Variants in VKORC1L1 observed in about 807,000 individuals in gnomAD.
VKORC1L1 encodes the protein vitamin K epoxide reductase complex subunit 1-like protein 1.
VKORC1L1 carries 2 observed loss-of-function variants against 18.9 expected under a neutral mutation model. The ratio of observed to expected loss-of-function variants is 0.11; its 90% CI spans 0.04 to 0.33. VKORC1L1 has a LOEUF of 0.33. Among genes scored for constraint, VKORC1L1 ranks in the 10% least tolerant of loss-of-function variants. The probability of loss-of-function intolerance (pLI) is 1.00; values close to 1 mark genes in which losing one functional copy is unlikely to be tolerated. For synonymous variants in VKORC1L1, 96 were observed against 100.0 expected (o/e 0.96, Z 0.24); for missense variants, 123 against 224.1 (o/e 0.55, Z 2.88).
intron 1 of VKORC1L1, among the ~76,000 whole-genome samples, chr7:65,925,646 T>C (rs919089683): frequency 1.3e-5 from 2 of 152,186 alleles, no homozygotes; most frequent in African/African-American, 2.4e-5. Flanking sequence ...CTCTATATGT[T>C]AGGTTGGTGC....
chr7:65,929,147 G>A (rs898662985), intron 1 of VKORC1L1, among the ~76,000 whole-genome samples: 3 of 152,078 alleles, frequency 2.0e-5, no homozygotes, highest in Non-Finnish European at 2.9e-5. Context: ...GGTAGCTCAC[G>A]CCTGTAATCC....
chr7:65,866,736 CCCCATCTCTACAAAAAATA>C, the VKORC1L1 span, among the ~76,000 whole-genome samples: 2 of 151,968 alleles, frequency 1.3e-5, no homozygotes, highest in African/African-American at 4.8e-5. Flanking sequence ...ATAGTGAGAC[CCCCATCTCTACAAAAAATA>C]AAAAGAAATC....
chr7:65,866,716 C>A, the VKORC1L1 span, among the ~76,000 whole-genome samples: 1 of 152,072 alleles, frequency 6.6e-6, no homozygotes, highest in African/African-American at 2.4e-5. Context: ...TTGAGGCTGG[C>A]CTGAGTGACA....
intron 1 of VKORC1L1, among the ~76,000 whole-genome samples, chr7:65,886,844 T>TG (rs1219748777): frequency 2.4e-4 from 32 of 134,368 alleles, no homozygotes; most frequent in African/African-American, 8.3e-4. Flanking sequence ...TCCGAGTTTT[T>TG]TTTTTTTTTT....
intron 1 of VKORC1L1, among the ~76,000 whole-genome samples, chr7:65,909,372 G>A (rs1448098158): frequency 1.3e-5 from 2 of 151,988 alleles, no homozygotes; most frequent in African/African-American, 4.8e-5. Context: ...TTGTTACCGA[G>A]ATGTCGTGAT....
upstream of VKORC1L1, among the ~76,000 whole-genome samples, chr7:65,869,910 C>T (rs1788705372): frequency 6.6e-6 from 1 of 151,326 alleles, no homozygotes; most frequent in South Asian, 2.1e-4. Context: ...CCACATTGGC[C>T]TCCCAAAGCA....
chr7:65,941,481 A>T lies in VKORC1L1; in HGVS notation c.195-7190A>T, dbSNP rs536695700. 7.0e-4 allele frequency among the ~76,000 whole-genome samples: 106 copies of T among 152,128 alleles called. 1 individual carries two copies. Among genetic ancestry groups the T allele is most frequent in the African/African-American group, 2.5e-3 (103 of 41,502 alleles). ...TGCCTTGTAAAAAATAATTTTTAAA[A>T]ATACATTATTCAATGTATTTTTGTA... is the stretch of plus-strand genomic sequence containing the variant. On this transcript the variant is annotated intron_variant, in intron 1 of 2. Coordinates refer to ENST00000360768, the MANE Select transcript of VKORC1L1 (RefSeq NM_173517.6).
At chr7:65,895,480 AATATATATATAT>A (rs1162173957) in intron 1 of VKORC1L1, among the ~76,000 whole-genome samples, 1,924 of 42,654 alleles carry the variant, frequency 0.045, 107 homozygotes, top group East Asian at 0.12. Flanking sequence ...AAAAAAAAAA[AATATATATATAT>A]ATATATATAT....
At chr7:65,880,633 T>A (rs1788912164) in intron 1 of VKORC1L1, among the ~76,000 whole-genome samples, 1 of 152,142 alleles carries the variant, frequency 6.6e-6, no homozygotes, top group African/African-American at 2.4e-5. Flanking sequence ...GGTGTGGTGC[T>A]AGCTAAAGCG....
intron 1 of VKORC1L1, among the ~76,000 whole-genome samples, chr7:65,882,923 G>A (rs1788951570): frequency 6.6e-6 from 1 of 152,088 alleles, no homozygotes; most frequent in Non-Finnish European, 1.5e-5. Context: ...TCCTTAGATA[G>A]CGTTAATGTA....
Position 65,873,278 on chromosome 7 carries a change from C to CGGCGGT in VKORC1L1, c.-88_-83dup. The CGGCGGT allele has an allele frequency of 2.0e-6, 2 of 997,636 alleles. No homozygotes were observed. The highest frequency in any genetic ancestry group is 2.4e-6 in the Non-Finnish European group (2 of 840,638). The allele number at this position is 997,636 out of a possible 1,614,324, so 61.8% of individuals were successfully genotyped here. A position where few individuals can be genotyped will look rare whatever the true frequency, so the allele number is the denominator to read the frequency against. On this transcript the variant is annotated 5_prime_UTR_variant, in exon 1 of 3. Coordinates refer to ENST00000360768, the MANE Select transcript of VKORC1L1 (RefSeq NM_173517.6). The stretch of plus-strand genomic sequence containing the variant: ...GCGGTGGTGGCGGCGGCGGCGGAGG[C>CGGCGGT]GGCGGTGGCGGCGGTGGCGGCTGGG...
chr7:65,929,678 G>GTATATATATATATATATATA (rs1195885947), intron 1 of VKORC1L1, among the ~76,000 whole-genome samples: 2 of 39,496 alleles, frequency 5.1e-5, no homozygotes, highest in Admixed American at 6.5e-4. Context: ...GTATGTGTGT[G>GTATATATATATATATATATA]TGTGTATATA....
At chr7:65,949,375 A>G (rs1427790812) in intron 2 of VKORC1L1, among the ~76,000 whole-genome samples, 1 of 152,072 alleles carries the variant, frequency 6.6e-6, no homozygotes, top group Non-Finnish European at 1.5e-5. Flanking sequence ...GCTACTCATG[A>G]GGCTGAGGCT....
At chr7:65,867,152 G>A in the VKORC1L1 span, among the ~76,000 whole-genome samples, 10 of 152,148 alleles carry the variant, frequency 6.6e-5, no homozygotes, top group African/African-American at 1.4e-4. Flanking sequence ...GTGCCACTGC[G>A]CTCCAGCCTG....
At chr7:65,919,248 T>C (rs1583848514) in intron 1 of VKORC1L1, among the ~76,000 whole-genome samples, 1 of 152,260 alleles carries the variant, frequency 6.6e-6, no homozygotes, top group East Asian at 1.9e-4. Context: ...GATTAATGGA[T>C]TGATGGATTT....
intron 1 of VKORC1L1, among the ~76,000 whole-genome samples, chr7:65,885,523 A>G (rs1456240332): frequency 6.6e-6 from 1 of 151,626 alleles, no homozygotes; most frequent in Non-Finnish European, 1.5e-5. Context: ...ATATTTTCAT[A>G]TATTTTATGT....
intron 1 of VKORC1L1, among the ~76,000 whole-genome samples, chr7:65,925,354 A>C (rs1036660359): frequency 6.6e-6 from 1 of 152,042 alleles, no homozygotes; most frequent in African/African-American, 2.4e-5. Flanking sequence ...CAATCTTCGG[A>C]TCCATCTTCA....
intron 1 of VKORC1L1, among the ~76,000 whole-genome samples, chr7:65,894,203 C>T (rs529620400): frequency 2.0e-4 from 30 of 151,952 alleles, no homozygotes; most frequent in Non-Finnish European, 2.6e-4. Flanking sequence ...GATCCACCTG[C>T]CTCAACCTCC....
At chr7:65,898,082 T>TG (rs1789246478) in intron 1 of VKORC1L1, among the ~76,000 whole-genome samples, 1 of 100,622 alleles carries the variant, frequency 9.9e-6, no homozygotes, top group East Asian at 3.2e-4. Context: ...AGCAGGTTTT[T>TG]TTTTTTTTTT....
Sources: allele counts gnomAD v4.1 joint callset (sites outside exome capture counted in the v4.1 genomes callset), GRCh38; gene constraint gnomAD v4.1.1; transcripts MANE v1.5; gene names NCBI Gene and HGNC (gene_info 2026-07-23, HGNC 2026-07-21).